GABRR3: variants seen among roughly 807,000 people sequenced by gnomAD.
The protein encoded by GABRR3 is gamma-aminobutyric acid receptor subunit rho-3.
Under a neutral mutation model 43.2 loss-of-function variants are expected in GABRR3, and 29 were observed. The observed-to-expected ratio is 0.67, with a 90% CI of 0.50 to 0.92. The LOEUF is 0.92. Ranked by LOEUF, GABRR3 falls within the 40% of genes least tolerant of loss-of-function variation. The pLI, the probability that GABRR3 is intolerant of heterozygous loss-of-function variation, is 0.00. For synonymous variants in GABRR3, 206 were observed against 195.9 expected, an observed-to-expected ratio of 1.05 and a Z score of -0.43; for missense variants, 576 against 572.3, an observed-to-expected ratio of 1.01 and a Z score of -0.07.
chr3:98,001,444 T>C (rs1706640308), intron 8 of GABRR3, 171 bp downstream of exon 8: 1 of 649,216 alleles, frequency 1.5e-6, no homozygotes, highest in African/African-American at 1.8e-5. Flanking sequence ...AAGAACTCAA[T>C]TACAATTTGC....
chr3:98,013,198 T>C (rs1327832887), intron 4 of GABRR3, among the ~76,000 whole-genome samples: 4 of 152,228 alleles, frequency 2.6e-5, no homozygotes, highest in African/African-American at 9.6e-5. Context: ...TTGAAGTTTG[T>C]TGAAATGGCA....
chr3:98,017,079 T>C (rs1040818829), intron 4 of GABRR3, among the ~76,000 whole-genome samples: 2 of 152,160 alleles, frequency 1.3e-5, no homozygotes, highest in African/African-American at 4.8e-5. Context: ...TCTAGGAAAA[T>C]ACAGATGTTT....
intron 2 of GABRR3, among the ~76,000 whole-genome samples, chr3:98,027,688 C>T (rs1387844281): frequency 6.6e-6 from 1 of 152,118 alleles, no homozygotes; most frequent in East Asian, 1.9e-4. Flanking sequence ...TTTTTTATAC[C>T]TTCTATTTCC....
intron 7 of GABRR3, among the ~76,000 whole-genome samples, chr3:98,003,392 A>G (rs1287328318): frequency 6.7e-6 from 1 of 150,248 alleles, no homozygotes; most frequent in African/African-American, 2.4e-5. Flanking sequence ...TTCTTTATTC[A>G]TAATTTTCTG....
At chr3:97,992,546 T>C (rs1317371003) in intron 9 of GABRR3, among the ~76,000 whole-genome samples, 1 of 152,184 alleles carries the variant, frequency 6.6e-6, no homozygotes, top group Non-Finnish European at 1.5e-5. Flanking sequence ...TCATCATCCA[T>C]TTGAAAGAAT....
intron 6 of GABRR3, 49 bp downstream of exon 6, chr3:98,008,907 T>C (rs1025520482): frequency 3.9e-6 from 4 of 1,013,456 alleles, no homozygotes; most frequent in Non-Finnish European, 4.6e-6. Flanking sequence ...AAGTATGTGA[T>C]GGTGTGTTCA....
intron 7 of GABRR3, among the ~76,000 whole-genome samples, chr3:98,002,569 A>G (rs1446877265): frequency 6.6e-6 from 1 of 152,140 alleles, no homozygotes; most frequent in Non-Finnish European, 1.5e-5. Context: ...ATAATACCTT[A>G]TCCTTGTTTT....
chr3:98,024,661 A>G (rs1053623621), intron 3 of GABRR3, among the ~76,000 whole-genome samples: 3 of 152,088 alleles, frequency 2.0e-5, no homozygotes, highest in Non-Finnish European at 4.4e-5. Context: ...TCTCACCCTC[A>G]TCCATACTTC....
chr3:98,016,918 T>G (rs1253746164), intron 4 of GABRR3, among the ~76,000 whole-genome samples: 1 of 152,102 alleles, frequency 6.6e-6, no homozygotes, highest in Non-Finnish European at 1.5e-5. Context: ...TATTAAAACA[T>G]AAAAATAGCC....
chr3:98,022,899 C>T (rs991151528), intron 3 of GABRR3, among the ~76,000 whole-genome samples: 2 of 152,114 alleles, frequency 1.3e-5, no homozygotes, highest in African/African-American at 4.8e-5. Context: ...AAATGTATCT[C>T]TAACAGATCA....
chr3:98,034,555 A>G (rs1246380481), intron 2 of GABRR3, among the ~76,000 whole-genome samples: 1 of 152,202 alleles, frequency 6.6e-6, no homozygotes, highest in Non-Finnish European at 1.5e-5. Flanking sequence ...TTAATGTATT[A>G]GTAATAAATG....
rs370494105 is a variant in GABRR3 at position 98,030,064 on chromosome 3, G to A, written c.126-4385C>T. 3.3e-5 allele frequency among the ~76,000 whole-genome samples: 5 copies of A among 151,066 alleles called. No individual in the cohort carries two copies. In the East Asian group the frequency reaches 9.8e-4, roughly 30 times the overall value. On this transcript the variant is annotated intron_variant, in intron 2 of 9. Coordinates refer to ENST00000621172, the Ensembl canonical transcript of GABRR3. ...TGGGAGGCAGAGGTGGCAGTGAGCC[G>A]AGATCGTGTCACTGCACTCCAGCCT...
At chr3:98,031,630 C>A (rs765295328) in intron 2 of GABRR3, among the ~76,000 whole-genome samples, 6 of 151,906 alleles carry the variant, frequency 3.9e-5, no homozygotes, top group African/African-American at 7.3e-5. Context: ...GTTGTCCCAG[C>A]TACTTGGGAG....
At chr3:97,996,738 A>G (rs1706564050) in intron 8 of GABRR3, among the ~76,000 whole-genome samples, 1 of 152,188 alleles carries the variant, frequency 6.6e-6, no homozygotes, top group Admixed American at 6.5e-5. Context: ...TTGAATGGAG[A>G]GACATAATCA....
intron 5 of GABRR3, 63 bp downstream of exon 5, chr3:98,012,281 A>G (rs983723875): frequency 1.5e-5 from 18 of 1,192,092 alleles, no homozygotes; most frequent in African/African-American, 1.1e-4. Context: ...AATAAGCATC[A>G]TCAGCTTTGG....
At chr3:98,011,109 C>A (rs1706784943) in intron 5 of GABRR3, among the ~76,000 whole-genome samples, 1 of 152,014 alleles carries the variant, frequency 6.6e-6, no homozygotes, top group African/African-American at 2.4e-5. Flanking sequence ...CTCCCCCAAC[C>A]CCCCCAAAAA....
chr3:98,019,426 T>C (rs1242578928), intron 3 of GABRR3, among the ~76,000 whole-genome samples: 6 of 152,144 alleles, frequency 3.9e-5, no homozygotes. Flanking sequence ...ATCCATGCCC[T>C]CGGTATCATT....
intron 2 of GABRR3, among the ~76,000 whole-genome samples, chr3:98,033,503 G>A (rs1707116603): frequency 6.6e-6 from 1 of 151,996 alleles, no homozygotes; most frequent in Admixed American, 6.6e-5. Context: ...GATTTTTTCT[G>A]TAGCAACTCT....
At chr3:97,999,665 A>C (rs1199429381) in intron 8 of GABRR3, 1 of 152,152 alleles carries the variant, frequency 6.6e-6, no homozygotes, top group Non-Finnish European at 1.5e-5. Context: ...ATTGAAAGCT[A>C]ATGCATTGTG....
Sources: allele counts gnomAD v4.1 joint callset (sites outside exome capture counted in the v4.1 genomes callset), GRCh38; gene constraint gnomAD v4.1.1; transcripts MANE v1.5; gene names NCBI Gene and HGNC (gene_info 2026-07-23, HGNC 2026-07-21).